Variants in TTC6 observed in about 807,000 individuals in gnomAD.
TTC6 encodes the protein tetratricopeptide repeat domain 6, also known as tetratricopeptide repeat protein 6.
TTC6 carries 172 observed loss-of-function variants against 210.4 expected under a neutral mutation model. The observed-to-expected ratio is 0.82, with a 90% CI of 0.72 to 0.93. TTC6 has a LOEUF of 0.93. TTC6 is among the 40% of genes least tolerant of loss of function. The pLI is 0.00. For missense variants in TTC6, 2,414 were observed against 2,318.1 expected, an observed-to-expected ratio of 1.04 and a Z score of -0.85; for synonymous variants, 804 against 819.6, an observed-to-expected ratio of 0.98 and a Z score of 0.32.
At chr14:37,687,368 T>C (rs1391306979) in intron 3 of TTC6, among the ~76,000 whole-genome samples, 1 of 152,080 alleles carries the variant, frequency 6.6e-6, no homozygotes, top group Non-Finnish European at 1.5e-5. Flanking sequence ...GCTAACATGC[T>C]TGGAGGCTCC....
intron 20 of TTC6, among the ~76,000 whole-genome samples, chr14:37,803,387 C>A (rs965077262): frequency 6.6e-6 from 1 of 152,276 alleles, no homozygotes; most frequent in East Asian, 1.9e-4. Flanking sequence ...AAGCTTTTAT[C>A]CACACAGCAG....
At chr14:37,629,483 T>A (rs2095665750) in intron 1 of TTC6, among the ~76,000 whole-genome samples, 1 of 152,208 alleles carries the variant, frequency 6.6e-6, no homozygotes, top group Non-Finnish European at 1.5e-5. Flanking sequence ...CTGAAATTGC[T>A]TATCAACTTA....
chr14:37,768,450 ATTTGT>A (rs2096006510), intron 14 of TTC6, among the ~76,000 whole-genome samples: 1 of 152,096 alleles, frequency 6.6e-6, no homozygotes, highest in Admixed American at 6.5e-5. Context: ...ATGTTCTTCC[ATTTGT>A]TTGTATCCTC....
intron 26 of TTC6, among the ~76,000 whole-genome samples, chr14:37,821,487 C>G (rs190755281): frequency 1.0e-3 from 153 of 152,228 alleles, no homozygotes; most frequent in African/African-American, 3.5e-3. Flanking sequence ...CATCTGATTC[C>G]CATATGTGGA....
chr14:37,763,663 T>C (rs1037313008), intron 14 of TTC6, among the ~76,000 whole-genome samples: 3 of 152,122 alleles, frequency 2.0e-5, no homozygotes, highest in African/African-American at 7.2e-5. Flanking sequence ...GTTCACACTT[T>C]CATTTCTTAT....
At chr14:37,766,094 C>G (rs563813642) in intron 14 of TTC6, among the ~76,000 whole-genome samples, 24 of 152,230 alleles carry the variant, frequency 1.6e-4, no homozygotes, top group African/African-American at 4.6e-4. Context: ...TTAATACATT[C>G]ATTTCTTTCA....
At chr14:37,695,228 A>T (rs2095812521) in intron 3 of TTC6, among the ~76,000 whole-genome samples, 1 of 152,116 alleles carries the variant, frequency 6.6e-6, no homozygotes, top group East Asian at 1.9e-4. Flanking sequence ...AAGGATGGTT[A>T]CCAGAGGCTG....
intron 3 of TTC6, among the ~76,000 whole-genome samples, chr14:37,687,849 G>A (rs185140968): frequency 6.6e-6 from 1 of 152,264 alleles, no homozygotes; most frequent in Admixed American, 6.5e-5. Context: ...CTGGTCTCAG[G>A]CGAGACTCGG....
At chr14:37,651,531 C>T (rs1204339557) in intron 1 of TTC6, among the ~76,000 whole-genome samples, 1 of 147,318 alleles carries the variant, frequency 6.8e-6, no homozygotes, top group East Asian at 2.1e-4. Flanking sequence ...TACCTTCAAG[C>T]TGCCACATAT....
In TTC6 at chr14:37,624,552, A is replaced by G. The variant is rs558407465; in HGVS notation, c.939+1549A>G. On this transcript the variant is annotated intron_variant, in intron 1 of 30. Transcript: ENST00000553443. Reference sequence around the variant, plus strand: ...CTCAAATGGACTTAGGGATATATGAAGAGAGACTATTAAATGAATAATGAA... The same window carrying G: ...CTCAAATGGACTTAGGGATATATGAGGAGAGACTATTAAATGAATAATGAA... Among the ~76,000 whole-genome samples, 124 of 152,324 alleles carry G rather than the reference A, an allele frequency of 8.1e-4. 2 individuals carry two copies. In the Middle Eastern group the frequency reaches 0.048, roughly 58 times the overall value.
intron 8 of TTC6, among the ~76,000 whole-genome samples, chr14:37,736,486 A>C (rs924417495): frequency 1.3e-5 from 2 of 152,182 alleles, no homozygotes; most frequent in African/African-American, 4.8e-5. Flanking sequence ...TTCACTAATC[A>C]ATAGCAGGAT....
chr14:37,752,250 G>T (rs1382327723), intron 13 of TTC6, among the ~76,000 whole-genome samples: 1 of 152,136 alleles, frequency 6.6e-6, no homozygotes, highest in African/African-American at 2.4e-5. Flanking sequence ...TAAGAATTTA[G>T]AAGCAATTAT....
chr14:37,665,529 G>T (rs964641531), intron 1 of TTC6, among the ~76,000 whole-genome samples: 1 of 150,246 alleles, frequency 6.7e-6, no homozygotes, highest in Non-Finnish European at 1.5e-5. Context: ...GCACCAGGAA[G>T]AACAGCTAAT....
intron 29 of TTC6, among the ~76,000 whole-genome samples, chr14:37,832,897 A>G (rs1217424579): frequency 6.6e-6 from 1 of 151,958 alleles, no homozygotes; most frequent in African/African-American, 2.4e-5. Flanking sequence ...GCCTCTACTA[A>G]AAATACAAAA....
At chr14:37,808,158 C>G (rs1030441356) in intron 23 of TTC6, among the ~76,000 whole-genome samples, 1 of 152,068 alleles carries the variant, frequency 6.6e-6, no homozygotes, top group African/African-American at 2.4e-5. Flanking sequence ...CTTTTCTTTT[C>G]TGATCTTTCT....
chr14:37,603,975 T>G (rs559590269), intron 1 of TTC6, among the ~76,000 whole-genome samples: 1 of 152,276 alleles, frequency 6.6e-6, no homozygotes, highest in South Asian at 2.1e-4. Flanking sequence ...AGAATGAGTA[T>G]GCAATAAGTG....
intron 7 of TTC6, among the ~76,000 whole-genome samples, chr14:37,732,429 C>A (rs896179459): frequency 6.6e-6 from 1 of 151,530 alleles, no homozygotes; most frequent in Non-Finnish European, 1.5e-5. Context: ...GTGATCTGCC[C>A]GCCTTGGCCT....
chr14:37,673,333 G>GTGGACAAATATTGTTTAGGGCCATA (rs1450568678), intron 1 of TTC6, among the ~76,000 whole-genome samples: 2 of 152,274 alleles, frequency 1.3e-5, no homozygotes, highest in Non-Finnish European at 2.9e-5. Flanking sequence ...AGTTACCTGT[G>GTGGACAAATATTGTTTAGGGCCATA]TGGACAAATA....
At chr14:37,595,856 C>T (rs897867779) in exon 1 of TTC6, 1 of 152,004 alleles carries the variant, frequency 6.6e-6, no homozygotes, top group African/African-American at 2.4e-5. Context: ...CTGAGAGCTT[C>T]AGACTAGAAA....
Sources: gnomAD v4.1 joint callset for allele counts (sites outside exome capture counted in the v4.1 genomes callset) on GRCh38, gnomAD v4.1.1 for gene constraint, MANE v1.5 for transcripts, NCBI Gene and HGNC (gene_info 2026-07-23, HGNC 2026-07-21) for gene names.